Variants in MACROD2 observed in about 807,000 individuals in gnomAD.
The protein encoded by MACROD2 is ADP-ribose glycohydrolase MACROD2.
Under a neutral mutation model 70.4 loss-of-function variants are expected in MACROD2, and 36 were observed. The observed-to-expected ratio is 0.51, with a 90% CI of 0.39 to 0.68. The LOEUF (loss-of-function observed/expected upper bound fraction) is 0.68, where lower values mean the gene tolerates loss of function less well. Among genes scored for constraint, MACROD2 ranks in the 30% least tolerant of loss-of-function variants. The pLI, the probability that MACROD2 is intolerant of heterozygous loss-of-function variation, is 0.00. For synonymous variants in MACROD2, 172 were observed against 178.8 expected (o/e 0.96, Z 0.30); for missense variants, 496 against 538.4 (o/e 0.92, Z 0.78).
intron 7 of MACROD2, among the ~76,000 whole-genome samples, chr20:15,482,989 T>A (rs2146457702): frequency 6.6e-6 from 1 of 152,254 alleles, no homozygotes; most frequent in East Asian, 1.9e-4. Flanking sequence ...GTATGTCTTT[T>A]GCAAATATTT....
At chr20:15,533,547 C>G (rs1343295672) in intron 8 of MACROD2, among the ~76,000 whole-genome samples, 1 of 38,270 alleles carries the variant, frequency 2.6e-5, no homozygotes, top group Admixed American at 2.8e-4. Context: ...CTCTGTCGCT[C>G]TCTCTCTCTC....
At chr20:14,463,729 A>C (rs182209571) in intron 3 of MACROD2, among the ~76,000 whole-genome samples, 38 of 152,188 alleles carry the variant, frequency 2.5e-4, no homozygotes. Flanking sequence ...ATTTATTGAG[A>C]GCTTTTAGCA....
intron 5 of MACROD2, among the ~76,000 whole-genome samples, chr20:14,900,895 A>G (rs560448159): frequency 1.5e-4 from 22 of 151,646 alleles, no homozygotes; most frequent in Non-Finnish European, 2.7e-4. Context: ...TTCTTTGTGG[A>G]TGTGCTCTGA....
chr20:14,276,332 A>G (rs2082255827), intron 3 of MACROD2, among the ~76,000 whole-genome samples: 1 of 150,564 alleles, frequency 6.6e-6, no homozygotes, highest in Non-Finnish European at 1.5e-5. Context: ...TTGTAGGGAC[A>G]TGGATGAAAT....
intron 15 of MACROD2, among the ~76,000 whole-genome samples, chr20:16,011,252 A>T (rs2066859009): frequency 6.6e-6 from 1 of 152,342 alleles, no homozygotes; most frequent in South Asian, 2.1e-4. Flanking sequence ...GTCAGCACTC[A>T]CTGACGGGAT....
At chr20:15,192,504 G>C (rs2076578885) in intron 5 of MACROD2, among the ~76,000 whole-genome samples, 1 of 152,146 alleles carries the variant, frequency 6.6e-6, no homozygotes, top group Non-Finnish European at 1.5e-5. Flanking sequence ...AGGCAAACGT[G>C]CTCCTACCAG....
chr20:14,678,026 T>C (rs1336167869), intron 4 of MACROD2, among the ~76,000 whole-genome samples: 1 of 152,178 alleles, frequency 6.6e-6, no homozygotes, highest in Non-Finnish European at 1.5e-5. Flanking sequence ...ATTGTAGTGG[T>C]TCTACATAAT....
intron 3 of MACROD2, among the ~76,000 whole-genome samples, chr20:14,150,091 A>G (rs1346122347): frequency 6.6e-6 from 1 of 151,604 alleles, no homozygotes; most frequent in East Asian, 1.9e-4. Flanking sequence ...CCCTTCTTCT[A>G]CCTCTTCCCT....
At chr20:15,957,023 G>C (rs1306743440) in intron 12 of MACROD2, among the ~76,000 whole-genome samples, 1 of 152,142 alleles carries the variant, frequency 6.6e-6, no homozygotes, top group Non-Finnish European at 1.5e-5. Flanking sequence ...TTGTGCAAAA[G>C]CAAGAAGACA....
At chr20:15,174,990 G>A (rs1425676171) in intron 5 of MACROD2, among the ~76,000 whole-genome samples, 2 of 152,118 alleles carry the variant, frequency 1.3e-5, no homozygotes, top group East Asian at 3.9e-4. Context: ...CTTTTGCTGT[G>A]CAGAAGCTCT....
At chr20:15,277,862 A>G (rs559397323) in intron 6 of MACROD2, among the ~76,000 whole-genome samples, 1 of 152,300 alleles carries the variant, frequency 6.6e-6, no homozygotes, top group Admixed American at 6.5e-5. Flanking sequence ...TCGCAGACTC[A>G]TTGATGAGAA....
At chr20:15,130,879 T>C (rs1661694249) in intron 5 of MACROD2, among the ~76,000 whole-genome samples, 1 of 151,872 alleles carries the variant, frequency 6.6e-6, no homozygotes, top group African/African-American at 2.4e-5. Flanking sequence ...CTGAGGTGAG[T>C]AAGGGAAACT....
chr20:14,627,997 A>G (rs1984283517), intron 4 of MACROD2, among the ~76,000 whole-genome samples: 1 of 152,250 alleles, frequency 6.6e-6, no homozygotes, highest in South Asian at 2.1e-4. Flanking sequence ...TAGCTTGTTG[A>G]GCAGAGCAAC....
At chr20:14,273,644 C>G (rs1320625158) in intron 3 of MACROD2, among the ~76,000 whole-genome samples, 4 of 149,790 alleles carry the variant, frequency 2.7e-5, no homozygotes, top group Non-Finnish European at 6.0e-5. Context: ...TAACTAAAAT[C>G]AGAGCAGAAC....
At chr20:15,239,159 A>G (rs2077039073) in intron 6 of MACROD2, among the ~76,000 whole-genome samples, 1 of 150,986 alleles carries the variant, frequency 6.6e-6, no homozygotes. Context: ...CTTTAAACCA[A>G]ACATTTTTTC....
chr20:15,506,495 T>C (rs553924475), intron 8 of MACROD2, among the ~76,000 whole-genome samples: 2 of 152,312 alleles, frequency 1.3e-5, no homozygotes, highest in African/African-American at 4.8e-5. Context: ...CCAAGACTAT[T>C]TTTCCCCCTT....
intron 8 of MACROD2, among the ~76,000 whole-genome samples, chr20:15,721,423 T>C (rs1399479726): frequency 1.3e-5 from 2 of 152,222 alleles, no homozygotes; most frequent in Middle Eastern, 3.2e-3. Flanking sequence ...TTTAAAGCTA[T>C]AGTTTCATCC....
intron 3 of MACROD2, among the ~76,000 whole-genome samples, chr20:14,101,223 T>A (rs2054299403): frequency 6.6e-6 from 1 of 152,020 alleles, no homozygotes; most frequent in Non-Finnish European, 1.5e-5. Context: ...TTAGTTATCA[T>A]AAGGCATTCT....
chr20:16,032,348 G>A (rs553305743), intron 15 of MACROD2, among the ~76,000 whole-genome samples: 9 of 152,084 alleles, frequency 5.9e-5, no homozygotes, highest in Admixed American at 5.9e-4. Context: ...TCAGCGTCAT[G>A]CAATATTCCC....
Sources: gnomAD v4.1 joint callset for allele counts (sites outside exome capture counted in the v4.1 genomes callset) on GRCh38, gnomAD v4.1.1 for gene constraint, MANE v1.5 for transcripts, NCBI Gene and HGNC (gene_info 2026-07-23, HGNC 2026-07-21) for gene names.